PCSK5: variants seen among roughly 807,000 people sequenced by gnomAD.
PCSK5 encodes the protein prohormone convertase 5.
In PCSK5, 129 loss-of-function variants were observed where a neutral mutation model predicts 233.2. That is an observed-to-expected ratio of 0.55 (90% CI 0.48 to 0.64). The LOEUF (loss-of-function observed/expected upper bound fraction) is 0.64, where lower values mean the gene tolerates loss of function less well. Ranked by LOEUF, PCSK5 falls within the 30% of genes least tolerant of loss-of-function variation. PCSK5 has a pLI of 0.00. For synonymous variants in PCSK5, 825 were observed against 879.2 expected, an observed-to-expected ratio of 0.94 and a Z score of 1.09; for missense variants, 2,076 against 2,430.1, an observed-to-expected ratio of 0.85 and a Z score of 3.06.
chr9:76,026,405 A>G (rs1027413833), intron 4 of PCSK5, among the ~76,000 whole-genome samples: 9 of 152,172 alleles, frequency 5.9e-5, no homozygotes, highest in African/African-American at 2.2e-4. Flanking sequence ...GAACCAGACG[A>G]GGGTTGTCTA....
intron 7 of PCSK5, among the ~76,000 whole-genome samples, chr9:76,082,503 CT>C (rs1830882108): frequency 6.6e-6 from 1 of 152,098 alleles, no homozygotes; most frequent in Non-Finnish European, 1.5e-5. Flanking sequence ...ATTCCAGGCA[CT>C]TTTCTAGATG....
At chr9:76,351,816 C>A (rs1310779348) in intron 36 of PCSK5, among the ~76,000 whole-genome samples, 1 of 151,512 alleles carries the variant, frequency 6.6e-6, no homozygotes, top group African/African-American at 2.4e-5. Context: ...CAGCTCATTG[C>A]AGCTTTGACC....
intron 34 of PCSK5, among the ~76,000 whole-genome samples, chr9:76,334,504 G>A (rs1445366706): frequency 6.6e-6 from 1 of 152,182 alleles, no homozygotes; most frequent in Admixed American, 6.5e-5. Context: ...AGGCCGAGGT[G>A]GGTGGGAGGT....
intron 7 of PCSK5, among the ~76,000 whole-genome samples, chr9:76,079,733 G>A (rs949305656): frequency 3.9e-5 from 6 of 152,130 alleles, no homozygotes; most frequent in African/African-American, 1.4e-4. Context: ...GGCATTCCCT[G>A]TCTTGTTTCG....
intron 27 of PCSK5, among the ~76,000 whole-genome samples, chr9:76,301,090 G>T (rs1828585163): frequency 6.6e-6 from 1 of 151,980 alleles, no homozygotes; most frequent in Non-Finnish European, 1.5e-5. Context: ...TGGCCAACAT[G>T]GTGAAACCCT....
chr9:75,972,286 G>A (rs1267116312), intron 2 of PCSK5, among the ~76,000 whole-genome samples: 6 of 152,312 alleles, frequency 3.9e-5, no homozygotes, highest in African/African-American at 9.6e-5. Context: ...CTGTAGCCTT[G>A]TAGTATAGTT....
chr9:76,091,284 A>G (rs1171476579), intron 7 of PCSK5, among the ~76,000 whole-genome samples: 1 of 151,724 alleles, frequency 6.6e-6, no homozygotes, highest in East Asian at 1.9e-4. Context: ...CTGGGTCTTT[A>G]CATAGCCTTG....
chr9:76,107,280 G>C lies in PCSK5; in HGVS notation c.1137G>C (p.Thr379=), dbSNP rs41310061. The change falls in exon 9 of 38, where the codon ACG becomes ACC. Residue 379 remains threonine (T), a synonymous_variant. Coordinates refer to ENST00000674117, the MANE Select transcript of PCSK5 (RefSeq NM_001372043.1). ...IITTDLRQRC[T]DNHTGTSASA... ...CTACAGATCTGAGGCAGCGTTGCAC[G>C]GACAACCACACTGGGACGTCAGCCT... 1 of 1,613,616 alleles carries C rather than the reference G, an allele frequency of 6.2e-7. No homozygotes were observed. Among genetic ancestry groups the C allele is most frequent in the Middle Eastern group, 1.6e-4 (1 of 6,062 alleles).
chr9:76,132,757 A>G (rs747799586), intron 9 of PCSK5, among the ~76,000 whole-genome samples: 7 of 152,092 alleles, frequency 4.6e-5, no homozygotes, highest in Non-Finnish European at 1.0e-4. Flanking sequence ...GACATAAAGC[A>G]GATACTAGCA....
At chr9:76,182,523 G>T (rs1383451648) in intron 16 of PCSK5, among the ~76,000 whole-genome samples, 3 of 57,810 alleles carry the variant, frequency 5.2e-5, no homozygotes, top group Non-Finnish European at 1.2e-4. Context: ...AGAATTTGGG[G>T]GAGTGTTTTT....
chr9:75,913,660 T>C (rs1364979056), intron 1 of PCSK5, among the ~76,000 whole-genome samples: 1 of 152,192 alleles, frequency 6.6e-6, no homozygotes. Context: ...TCATCTCATG[T>C]CTCATTACCA....
chr9:76,192,100 G>A (rs1276906653), intron 20 of PCSK5, among the ~76,000 whole-genome samples: 3 of 146,550 alleles, frequency 2.0e-5, no homozygotes, highest in Non-Finnish European at 4.5e-5. Context: ...AGTGATGATC[G>A]ATGCAGGAAA....
chr9:75,986,197 C>G lies in PCSK5; in HGVS notation c.363C>G (p.Ala121=). The G allele has an allele frequency of 6.2e-7, 1 of 1,613,794 alleles. No individual in the cohort carries two copies. Among genetic ancestry groups the G allele is most frequent in the African/African-American group, 1.3e-5 (1 of 75,022 alleles). The change falls in exon 3 of 38, where the codon GCC becomes GCG. Residue 121 remains alanine (A), a synonymous_variant. Transcript: ENST00000674117. ...RTKRDYDFSR[A]QSTYFNDPKW... is the part of the protein sequence containing the mutation. The stretch of plus-strand genomic sequence containing the variant: ...AGAGGGATTATGACTTCAGTCGTGC[C>G]CAGTCTACCTATTTCAATGATCCCA...
Position 75,928,638 on chromosome 9 carries a change from T to TAA in PCSK5, c.193-3740_193-3739dup, listed in dbSNP as rs1554707512. 5.2e-4 allele frequency among the ~76,000 whole-genome samples: 67 copies of TAA among 128,588 alleles called. 1 individual carries two copies. Among genetic ancestry groups the TAA allele is most frequent in the African/African-American group, 1.8e-3 (62 of 34,556 alleles). 84.4% of individuals were successfully genotyped at this position (128,588 alleles called of 152,430 possible). ...ATATATATATATATATATATATATA[T>TAA]AATCCTAGAAGGTGATAGATTATTT... is the stretch of plus-strand genomic sequence containing the variant. On this transcript the variant is annotated intron_variant, in intron 1 of 37. Transcript: ENST00000674117.
At chr9:76,057,688 C>G (rs1343058211) in intron 5 of PCSK5, among the ~76,000 whole-genome samples, 4 of 152,142 alleles carry the variant, frequency 2.6e-5, no homozygotes, top group Admixed American at 2.6e-4. Flanking sequence ...ATTAATGATG[C>G]ATGTAATCTG....
chr9:76,235,300 A>C (rs920817814), intron 22 of PCSK5, among the ~76,000 whole-genome samples: 3 of 125,890 alleles, frequency 2.4e-5, no homozygotes, highest in Non-Finnish European at 3.4e-5. Context: ...TCTTATTTGC[A>C]ACAAAAAAAA....
At chr9:76,069,545 A>G (rs749784175) in intron 6 of PCSK5, among the ~76,000 whole-genome samples, 17 of 152,156 alleles carry the variant, frequency 1.1e-4, no homozygotes, top group Non-Finnish European at 2.4e-4. Context: ...CCCATACCCA[A>G]GGCATGAAGG....
chr9:76,157,004 A>T (rs765557602), intron 10 of PCSK5, 41 bp from the exon 11 acceptor site: 3 of 1,378,510 alleles, frequency 2.2e-6, no homozygotes, highest in Admixed American at 3.4e-5. Flanking sequence ...AATTTGACCT[A>T]TGTAGCTTAG....
At chr9:75,946,232 T>TAC (rs1358248109) in intron 2 of PCSK5, among the ~76,000 whole-genome samples, 1 of 152,252 alleles carries the variant, frequency 6.6e-6, no homozygotes, top group African/African-American at 2.4e-5. Flanking sequence ...TATGGTGATG[T>TAC]ACACGGTACT....
Sources: allele counts gnomAD v4.1 joint callset (sites outside exome capture counted in the v4.1 genomes callset), GRCh38; gene constraint gnomAD v4.1.1; transcripts MANE v1.5; gene names NCBI Gene and HGNC (gene_info 2026-07-23, HGNC 2026-07-21).